LIFR: variants seen among roughly 807,000 people sequenced by gnomAD.
LIFR encodes the protein leukemia inhibitory factor receptor.
Under a neutral mutation model 122.2 loss-of-function variants are expected in LIFR, and 84 were observed. The ratio of observed to expected loss-of-function variants is 0.69; its 90% CI spans 0.58 to 0.82. The LOEUF (loss-of-function observed/expected upper bound fraction) is 0.82. Ranked by LOEUF, LIFR falls within the 40% of genes least tolerant of loss-of-function variation. LIFR has a pLI of 0.00. For missense variants in LIFR, 1,294 were observed against 1,311.6 expected, an observed-to-expected ratio of 0.99 and a Z score of 0.21; for synonymous variants, 422 against 434.7, an observed-to-expected ratio of 0.97 and a Z score of 0.36.
At position 38,475,344 on chromosome 5, in the gene LIFR, A is replaced by T. The variant is rs1409443820; in HGVS notation, c.*6251T>A. On this transcript the variant is annotated 3_prime_UTR_variant, in exon 20 of 20. Transcript: ENST00000453190. ...TGAATCACACACATGTACTTCATCT[A>T]TAGTTTTCTTCCTGTATAAGTGTAT... The T allele has an allele frequency of 5.1e-6, 1 of 196,644 alleles. No homozygotes were observed. The highest frequency in any genetic ancestry group is 1.1e-5 in the Non-Finnish European group (1 of 94,642). The allele number at this position is 196,644 out of a possible 1,614,324, so 12.2% of individuals were successfully genotyped here.
intron 1 of LIFR, among the ~76,000 whole-genome samples, chr5:38,573,761 A>AT (rs1325909175): frequency 6.6e-6 from 1 of 152,106 alleles, no homozygotes; most frequent in Non-Finnish European, 1.5e-5. Flanking sequence ...CACTTTCCTG[A>AT]TTTTGTCACC....
At chr5:38,548,596 G>A in intron 1 of LIFR, among the ~76,000 whole-genome samples, 1 of 152,068 alleles carries the variant, frequency 6.6e-6, no homozygotes, top group East Asian at 1.9e-4. Context: ...TAAAGAAAAG[G>A]CACTCAACAG....
chr5:38,496,963 C>T (rs573037323), intron 12 of LIFR, among the ~76,000 whole-genome samples: 3 of 151,906 alleles, frequency 2.0e-5, no homozygotes, highest in African/African-American at 4.8e-5. Context: ...AGCAACAGAG[C>T]GAGACTCCAT....
intron 1 of LIFR, among the ~76,000 whole-genome samples, chr5:38,565,033 C>T (rs1235329130): frequency 6.6e-6 from 1 of 152,156 alleles, no homozygotes. Context: ...CTTGGCCTCC[C>T]AAAGTGCTGG....
chr5:38,567,837 G>T (rs954961769), intron 1 of LIFR, among the ~76,000 whole-genome samples: 27 of 152,160 alleles, frequency 1.8e-4, no homozygotes, highest in African/African-American at 4.6e-4. Flanking sequence ...CAACCATTCT[G>T]TATTTCAAAG....
intron 1 of LIFR, among the ~76,000 whole-genome samples, chr5:38,564,266 A>G (rs1250696976): frequency 1.3e-5 from 2 of 149,610 alleles, no homozygotes; most frequent in African/African-American, 5.0e-5. Flanking sequence ...ACTACTGCCC[A>G]GGCTAGAGTG....
intron 1 of LIFR, among the ~76,000 whole-genome samples, chr5:38,535,561 G>C (rs2112589376): frequency 6.6e-6 from 1 of 152,218 alleles, no homozygotes; most frequent in South Asian, 2.1e-4. Context: ...GGTCCACAAA[G>C]CCTAAAATAT....
chr5:38,605,838 G>T lies in LIFR; in HGVS notation n.305+367C>A, dbSNP rs542598337. On this transcript the variant is annotated intron_variant and non_coding_transcript_variant, in intron 2 of 3. Transcript: ENST00000507786. ...CCCATGACCTGGAATCCCTCTCCTC[G>T]CTTGGAGTTGTCCCGCCTTTCCAGA... 3.3e-5 allele frequency among the ~76,000 whole-genome samples: 5 copies of T among 152,178 alleles called. No individual in the cohort carries two copies. The South Asian group carries it at 1.0e-3, about 32-fold the overall frequency.
chr5:38,499,368 G>T, intron 12 of LIFR, 145 bp downstream of exon 12: 1 of 654,832 alleles, frequency 1.5e-6, no homozygotes, highest in Admixed American at 2.4e-5. Flanking sequence ...AATTTGGGGG[G>T]TTTAGGAACC....
upstream of LIFR, among the ~76,000 whole-genome samples, chr5:38,600,169 C>T (rs1750196715): frequency 6.6e-6 from 1 of 152,170 alleles, no homozygotes; most frequent in African/African-American, 2.4e-5. Context: ...CCTGGAAACC[C>T]CCTGCTTCCA....
At chr5:38,487,450 C>T (rs143810722) in intron 16 of LIFR, among the ~76,000 whole-genome samples, 1 of 152,272 alleles carries the variant, frequency 6.6e-6, no homozygotes, top group East Asian at 1.9e-4. Context: ...ACATGACCTG[C>T]TTGTCTCTGA....
chr5:38,506,362 T>TTA, intron 8 of LIFR, 141 bp downstream of exon 8: 1 of 971,722 alleles, frequency 1.0e-6, no homozygotes, highest in South Asian at 1.4e-5. Context: ...ACTGCAGTGC[T>TTA]TATAAGTGTA....
At chr5:38,571,715 A>C (rs1749219313) in intron 1 of LIFR, among the ~76,000 whole-genome samples, 1 of 152,198 alleles carries the variant, frequency 6.6e-6, no homozygotes, top group African/African-American at 2.4e-5. Context: ...GTTAAGCATA[A>C]AGTGAAAAAA....
intron 1 of LIFR, among the ~76,000 whole-genome samples, chr5:38,540,160 A>C (rs561385809): frequency 6.6e-6 from 1 of 152,264 alleles, no homozygotes; most frequent in Non-Finnish European, 1.5e-5. Flanking sequence ...CTCGCAGATA[A>C]ATCACCTAAC....
intron 3 of LIFR, among the ~76,000 whole-genome samples, chr5:38,528,054 T>C (rs1301556749): frequency 6.6e-6 from 1 of 152,202 alleles, no homozygotes; most frequent in Non-Finnish European, 1.5e-5. Context: ...GTGAGGCTTC[T>C]TTAGGCATCA....
In LIFR at chr5:38,505,982, A is replaced by T. The variant is rs768523999; in HGVS notation, c.1214T>A (p.Ile405Lys). 24 of 1,608,856 alleles carry T rather than the reference A, an allele frequency of 1.5e-5. No individual in the cohort carries two copies. The highest frequency in any genetic ancestry group is 1.7e-4 in the Middle Eastern group (1 of 5,920). ...LLFQMLPNQE[I>K]YNFTLNAHNP... ...GTGAGCATTCAAAGTAAAATTATAT[A>T]TTTCTTGATTTGGAAGCATTTGAAA... is the stretch of plus-strand genomic sequence containing the variant. Residue 405 changes from isoleucine (I) to lysine (K), a missense_variant, in exon 9 of 20, where the codon ATA (isoleucine) becomes AAA (lysine). Physicochemically the swap from Ile to Lys is moderately radical, Grantham distance 102 (BLOSUM62 -3). Coordinates refer to ENST00000453190, the MANE Select transcript of LIFR (RefSeq NM_001127671.2).
chr5:38,596,260 C>T (rs1264039776), upstream of LIFR, among the ~76,000 whole-genome samples: 2 of 152,222 alleles, frequency 1.3e-5, no homozygotes, highest in South Asian at 2.1e-4. Flanking sequence ...GCAATGCAAA[C>T]TTTCCTGGGT....
chr5:38,544,224 C>T (rs1747748649), intron 1 of LIFR, among the ~76,000 whole-genome samples: 1 of 152,172 alleles, frequency 6.6e-6, no homozygotes, highest in African/African-American at 2.4e-5. Context: ...CACCAATCCA[C>T]TCCGCACAAA....
At chr5:38,545,811 G>A (rs1339744104) in intron 1 of LIFR, among the ~76,000 whole-genome samples, 3 of 145,272 alleles carry the variant, frequency 2.1e-5, no homozygotes, top group Admixed American at 7.0e-5. Context: ...GCAGTGAGCC[G>A]AGATCACGCC....
Sources: allele counts gnomAD v4.1 joint callset (sites outside exome capture counted in the v4.1 genomes callset), GRCh38; gene constraint gnomAD v4.1.1; transcripts MANE v1.5; gene names NCBI Gene and HGNC (gene_info 2026-07-23, HGNC 2026-07-21).